The following MPRIP variants were observed in gnomAD, a reference collection of about 807,000 sequenced individuals.
MPRIP encodes the protein myosin phosphatase Rho-interacting protein.
In MPRIP, 59 loss-of-function variants were observed where a neutral mutation model predicts 234.9. That is an observed-to-expected ratio of 0.25 (90% CI 0.20 to 0.31). The LOEUF (loss-of-function observed/expected upper bound fraction) is 0.31. Ranked by LOEUF, MPRIP falls within the 10% of genes least tolerant of loss-of-function variation. The pLI, the probability that MPRIP is intolerant of heterozygous loss-of-function variation, is 1.00. For synonymous variants in MPRIP, 1,144 were observed against 1,263.9 expected (o/e 0.91, Z 2.01); for missense variants, 2,436 against 3,071.0 (o/e 0.79, Z 4.89).
chr17:17,068,630 A>G (rs1277081248), intron 1 of MPRIP, among the ~76,000 whole-genome samples: 1 of 151,192 alleles, frequency 6.6e-6, no homozygotes, highest in Non-Finnish European at 1.5e-5. Context: ...TCCCGGTTTC[A>G]GGCAATTCTC....
chr17:17,118,000 G>A (rs1185131778), intron 3 of MPRIP, among the ~76,000 whole-genome samples: 1 of 152,222 alleles, frequency 6.6e-6, no homozygotes, highest in Non-Finnish European at 1.5e-5. Flanking sequence ...CAGAACTTCT[G>A]CAGAGGGAAA....
intron 3 of MPRIP, among the ~76,000 whole-genome samples, chr17:17,123,094 A>G (rs149362228): frequency 1.9e-4 from 29 of 152,344 alleles, no homozygotes; most frequent in African/African-American, 5.8e-4. Context: ...AAAATATGCT[A>G]AATCCTTGAA....
chr17:17,136,798 A>T (rs771562136), intron 6 of MPRIP, among the ~76,000 whole-genome samples: 2 of 152,178 alleles, frequency 1.3e-5, no homozygotes, highest in Non-Finnish European at 2.9e-5. Context: ...TTCTGTGTGC[A>T]TCCTGCCCCA....
chr17:17,088,971 G>A (rs2089653510), intron 3 of MPRIP, among the ~76,000 whole-genome samples: 1 of 152,332 alleles, frequency 6.6e-6, no homozygotes, highest in East Asian at 1.9e-4. Flanking sequence ...TTAGGAAGGA[G>A]GTGTCCTTCA....
intron 5 of MPRIP, among the ~76,000 whole-genome samples, chr17:17,134,915 T>C (rs909680492): frequency 1.3e-5 from 2 of 152,344 alleles, no homozygotes; most frequent in Admixed American, 1.3e-4. Context: ...CATACATGCA[T>C]ATAAAGAACC....
chr17:17,178,835 C>G (rs1016163682), intron 22 of MPRIP: 2 of 152,056 alleles, frequency 1.3e-5, no homozygotes, highest in Non-Finnish European at 2.9e-5. Flanking sequence ...GGGAGGATCA[C>G]TTAAGCCCAG....
chr17:17,068,022 T>TTAG (rs2089092113), intron 1 of MPRIP, among the ~76,000 whole-genome samples: 1 of 152,114 alleles, frequency 6.6e-6, no homozygotes, highest in African/African-American at 2.4e-5. Flanking sequence ...TAGAATTGTA[T>TTAG]TAGTATTCCT....
intron 1 of MPRIP, among the ~76,000 whole-genome samples, chr17:17,075,449 A>G (rs1456823305): frequency 6.6e-6 from 1 of 152,110 alleles, no homozygotes; most frequent in Non-Finnish European, 1.5e-5. Context: ...TGCAGGAGAC[A>G]GCATGTCTTA....
chr17:17,051,526 T>C (rs2088540096), intron 1 of MPRIP, among the ~76,000 whole-genome samples: 1 of 151,826 alleles, frequency 6.6e-6, no homozygotes, highest in South Asian at 2.1e-4. Context: ...GAGCTTGGCC[T>C]CCCATCCTGG....
At chr17:17,051,001 A>G (rs774756932) in intron 1 of MPRIP, among the ~76,000 whole-genome samples, 37 of 152,326 alleles carry the variant, frequency 2.4e-4, no homozygotes, top group Admixed American at 5.9e-4. Context: ...TCCAAGGCCT[A>G]TGTTCTCTTC....
rs1438026765 is a variant in MPRIP at position 17,167,767 on chromosome 17, A to T, written c.6176A>T (p.Glu2059Val). The T allele has an allele frequency of 7.7e-7, 1 of 1,304,032 alleles. No homozygotes were observed. The highest frequency in any genetic ancestry group is 1.0e-6 in the Non-Finnish European group (1 of 988,892). 80.8% of individuals were successfully genotyped at this position (1,304,032 alleles called of 1,614,324 possible). Reference sequence around the variant, plus strand: ...CCCAACTGGCAGGCCACCCAGGGAGAGGCTGACTCCATGACGGGGCTGAGG... The same window carrying T: ...CCCAACTGGCAGGCCACCCAGGGAGTGGCTGACTCCATGACGGGGCTGAGG... ...PAPNWQATQGEADSMTGLRER... is the reference protein window; with the variant it reads ...PAPNWQATQGVADSMTGLRER... Residue 2059 changes from glutamate to valine, a missense_variant, in exon 16 of 24, where the codon GAG becomes GTG. Glu to Val is a moderately radical substitution (Grantham distance 121, BLOSUM62 -2). Transcript: ENST00000651222. This position sits in a 1 kb window ranked among gnomAD's most constrained non-coding sequence, Gnocchi z 5.9.
chr17:17,119,527 T>C (rs8069259), intron 3 of MPRIP, among the ~76,000 whole-genome samples: 23,300 of 152,258 alleles, frequency 0.15, 2,608 homozygotes, highest in East Asian at 0.31. Context: ...CGTCCCATAA[T>C]CACTTGGAGC....
intron 5 of MPRIP, among the ~76,000 whole-genome samples, chr17:17,132,390 T>C (rs148868693): frequency 6.6e-6 from 1 of 152,352 alleles, no homozygotes; most frequent in East Asian, 1.9e-4. Flanking sequence ...CCAAGATTGT[T>C]GTGAGCATGA....
chr17:17,170,344 G>T (rs924206845), intron 16 of MPRIP, among the ~76,000 whole-genome samples: 1 of 152,180 alleles, frequency 6.6e-6, no homozygotes, highest in Non-Finnish European at 1.5e-5. Flanking sequence ...TCCTGCAGCC[G>T]TCCTGAGGTG....
chr17:17,148,400 G>T (rs1422002515), intron 11 of MPRIP, among the ~76,000 whole-genome samples: 1 of 152,222 alleles, frequency 6.6e-6, no homozygotes, highest in African/African-American at 2.4e-5. Context: ...TGCACTGATG[G>T]TGCAAAAGCA....
chr17:17,072,676 C>T (rs1244508367), intron 1 of MPRIP, among the ~76,000 whole-genome samples: 1 of 152,078 alleles, frequency 6.6e-6, no homozygotes, highest in Non-Finnish European at 1.5e-5. Context: ...CTGGGGGAGG[C>T]TGCGCAGCCC....
chr17:17,089,815 A>C (rs530727931), intron 3 of MPRIP, among the ~76,000 whole-genome samples: 1 of 152,334 alleles, frequency 6.6e-6, no homozygotes, highest in South Asian at 2.1e-4. Context: ...AAGCAGGATC[A>C]GGGAATGTCA....
Position 17,078,062 on chromosome 17 carries a change from G to T in MPRIP, c.253G>T (p.Ala85Ser), listed in dbSNP as rs138913440. 1 of 1,613,992 alleles carries T rather than the reference G, an allele frequency of 6.2e-7. No individual in the cohort carries two copies. The highest frequency in any genetic ancestry group is 1.3e-5 in the African/African-American group (1 of 74,906). ...ILYEHGLLRY[A>S]LDEMPTTLPQ... ...TTACGAGCACGGCCTCTTGCGCTACGCCCTGGATGAGATGGTAAGTGTTAT... is the reference window on the plus strand; with the variant it reads ...TTACGAGCACGGCCTCTTGCGCTACTCCCTGGATGAGATGGTAAGTGTTAT... Residue 85 changes from alanine (A) to serine (S), a missense_variant, in exon 3 of 24, where the codon GCC becomes TCC. Coordinates refer to ENST00000651222, the MANE Select transcript of MPRIP (RefSeq NM_001364716.4). This position sits in a 1 kb window ranked among gnomAD's most constrained non-coding sequence, Gnocchi z 4.3.
chr17:17,135,680 G>C (rs956707170), intron 5 of MPRIP, among the ~76,000 whole-genome samples: 4 of 152,134 alleles, frequency 2.6e-5, no homozygotes, highest in African/African-American at 9.7e-5. Context: ...CTGTACATGA[G>C]GGCTCCACTC....
Sources: allele counts gnomAD v4.1 joint callset (sites outside exome capture counted in the v4.1 genomes callset), GRCh38; gene constraint gnomAD v4.1.1; non-coding constraint Gnocchi (gnomAD v3.1); transcripts MANE v1.5; gene names NCBI Gene and HGNC (gene_info 2026-07-23, HGNC 2026-07-21).